Variants in R3HDM1 observed in about 807,000 individuals in gnomAD.
The protein encoded by R3HDM1 is R3H domain containing 1.
R3HDM1 carries 46 observed loss-of-function variants against 141.1 expected under a neutral mutation model. The observed-to-expected ratio is 0.33, with a 90% CI of 0.26 to 0.42. The LOEUF is 0.42. Ranked by LOEUF, R3HDM1 falls within the 10% of genes least tolerant of loss-of-function variation. The pLI, the probability that R3HDM1 is intolerant of heterozygous loss-of-function variation, is 1.00. For missense variants in R3HDM1, 1,184 were observed against 1,368.3 expected, an observed-to-expected ratio of 0.87 and a Z score of 2.12; for synonymous variants, 435 against 472.9, an observed-to-expected ratio of 0.92 and a Z score of 1.04.
At chr2:135,666,039 T>C (rs569320591) in intron 19 of R3HDM1, among the ~76,000 whole-genome samples, 1 of 152,348 alleles carries the variant, frequency 6.6e-6, no homozygotes, top group South Asian at 2.1e-4. Flanking sequence ...ATATCTTTAG[T>C]CTTAGCTTTC....
At chr2:135,617,962 C>A (rs952710843) in intron 5 of R3HDM1, among the ~76,000 whole-genome samples, 1 of 152,066 alleles carries the variant, frequency 6.6e-6, no homozygotes, top group South Asian at 2.1e-4. Flanking sequence ...TTACATGATA[C>A]CCTCAAAAGC....
intron 21 of R3HDM1, among the ~76,000 whole-genome samples, chr2:135,690,570 A>G (rs1171057004): frequency 6.6e-5 from 10 of 152,170 alleles, no homozygotes; most frequent in African/African-American, 4.8e-5. Context: ...CTGATAACCT[A>G]TGTATGATTT....
intron 1 of R3HDM1, chr2:135,565,658 TA>T (rs1295233618): frequency 2.0e-5 from 3 of 152,232 alleles, no homozygotes; most frequent in Admixed American, 6.5e-5. Flanking sequence ...AACTTGATAG[TA>T]ATTATTAAAT....
At chr2:135,697,668 T>C (rs1333143269) in intron 21 of R3HDM1, among the ~76,000 whole-genome samples, 1 of 152,228 alleles carries the variant, frequency 6.6e-6, no homozygotes, top group Non-Finnish European at 1.5e-5. Flanking sequence ...TAATCTATTA[T>C]TCCATTTATT....
chr2:135,572,227 T>G (rs1450971673), intron 1 of R3HDM1, among the ~76,000 whole-genome samples: 1 of 152,180 alleles, frequency 6.6e-6, no homozygotes, highest in African/African-American at 2.4e-5. Context: ...AGTGATGGGA[T>G]TACAGGCATG....
intron 1 of R3HDM1, among the ~76,000 whole-genome samples, chr2:135,590,202 T>C (rs1708931659): frequency 6.6e-6 from 1 of 152,196 alleles, no homozygotes; most frequent in Non-Finnish European, 1.5e-5. Flanking sequence ...GAAAGTTATG[T>C]AGTACCTCTA....
At chr2:135,630,712 TAA>T (rs1366843761) in intron 7 of R3HDM1, among the ~76,000 whole-genome samples, 1 of 152,192 alleles carries the variant, frequency 6.6e-6, no homozygotes, top group Non-Finnish European at 1.5e-5. Flanking sequence ...AGGGAATCAT[TAA>T]CCTCTTGGCC....
chr2:135,545,434 A>T (rs1305514405), intron 1 of R3HDM1, among the ~76,000 whole-genome samples: 2 of 152,228 alleles, frequency 1.3e-5, no homozygotes, highest in African/African-American at 4.8e-5. Flanking sequence ...CAAGGTAGTC[A>T]GAGCAACATC....
chr2:135,567,489 G>T (rs1193057429), intron 1 of R3HDM1, among the ~76,000 whole-genome samples: 1 of 152,136 alleles, frequency 6.6e-6, no homozygotes, highest in Non-Finnish European at 1.5e-5. Flanking sequence ...CTTGACCAAT[G>T]TTCTGGTGAG....
intron 7 of R3HDM1, among the ~76,000 whole-genome samples, chr2:135,631,245 CCTAA>C (rs1343789935): frequency 6.6e-6 from 1 of 152,062 alleles, no homozygotes; most frequent in Admixed American, 6.6e-5. Flanking sequence ...AAGTCCTGAG[CCTAA>C]CTAAAGATGT....
intron 17 of R3HDM1, chr2:135,650,514 G>A: frequency 1.0e-6 from 1 of 982,358 alleles, no homozygotes; most frequent in Non-Finnish European, 1.2e-6. Flanking sequence ...TCCAAAGTAT[G>A]CCCCAATTTT....
chr2:135,629,480 A>T (rs2062414576), intron 7 of R3HDM1, among the ~76,000 whole-genome samples: 1 of 152,254 alleles, frequency 6.6e-6, no homozygotes, highest in African/African-American at 2.4e-5. Flanking sequence ...AAGTAATTTT[A>T]CTAATTTATT....
At chr2:135,665,567 ATTGTAATACCTTTAAAT>A (rs1394783445) in intron 19 of R3HDM1, 1 of 406,900 alleles carries the variant, frequency 2.5e-6, no homozygotes, top group African/African-American at 2.1e-5. Context: ...TTTTTCATTA[ATTGTAATACCTTTAAAT>A]CATGCATCAT....
chr2:135,594,565 C>T (rs1050045464), intron 1 of R3HDM1, among the ~76,000 whole-genome samples: 3 of 152,176 alleles, frequency 2.0e-5, no homozygotes, highest in Non-Finnish European at 4.4e-5. Flanking sequence ...AGTCACCATT[C>T]TCCACAAGCC....
intron 14 of R3HDM1, among the ~76,000 whole-genome samples, chr2:135,641,191 A>G (rs1448643743): frequency 6.6e-6 from 1 of 152,166 alleles, no homozygotes; most frequent in East Asian, 1.9e-4. Context: ...AAAATTATCT[A>G]TATATTCCTA....
At chr2:135,543,912 T>C (rs960092210) in intron 1 of R3HDM1, among the ~76,000 whole-genome samples, 5 of 152,208 alleles carry the variant, frequency 3.3e-5, no homozygotes, top group African/African-American at 1.2e-4. Context: ...CAGACCACAC[T>C]TAGAGAACCA....
At chr2:135,568,684 T>A (rs896737939) in intron 1 of R3HDM1, 5 of 152,212 alleles carry the variant, frequency 3.3e-5, no homozygotes, top group African/African-American at 4.8e-5. Flanking sequence ...GAAATAGAGT[T>A]AGTATTCATA....
intron 19 of R3HDM1, among the ~76,000 whole-genome samples, chr2:135,674,872 A>T (rs1354402828): frequency 6.6e-6 from 1 of 151,636 alleles, no homozygotes; most frequent in Non-Finnish European, 1.5e-5. Context: ...ACCTCTGCAG[A>T]TGCATAGAGC....
At chr2:135,554,412 T>C (rs1700352899) in intron 1 of R3HDM1, among the ~76,000 whole-genome samples, 1 of 152,248 alleles carries the variant, frequency 6.6e-6, no homozygotes, top group Admixed American at 6.5e-5. Flanking sequence ...ATTCATCAGT[T>C]GGTGGATATT....
Sources: allele counts gnomAD v4.1 joint callset (sites outside exome capture counted in the v4.1 genomes callset), GRCh38; gene constraint gnomAD v4.1.1; transcripts MANE v1.5; gene names NCBI Gene and HGNC (gene_info 2026-07-23, HGNC 2026-07-21).